CREB5: variants seen among roughly 807,000 people sequenced by gnomAD.
CREB5 encodes cAMP responsive element binding protein 5, also known as cyclic AMP-responsive element-binding protein 5.
In CREB5, 19 loss-of-function variants were observed where a neutral mutation model predicts 57.1. The ratio of observed to expected loss-of-function variants is 0.33; its 90% confidence interval spans 0.23 to 0.49. The LOEUF is 0.49. CREB5 is among the 20% of genes least tolerant of loss of function. The pLI, the probability that CREB5 is intolerant of heterozygous loss-of-function variation, is 0.99. For synonymous variants in CREB5, 238 were observed against 238.3 expected (o/e 1.00, Z 0.01); for missense variants, 579 against 671.6 (o/e 0.86, Z 1.52).
At chr7:28,739,635 C>T (rs1322699261) in intron 7 of CREB5, among the ~76,000 whole-genome samples, 1 of 152,096 alleles carries the variant, frequency 6.6e-6, no homozygotes, top group Non-Finnish European at 1.5e-5. Context: ...ACCAGAAAAG[C>T]ATATTCGAGT....
At chr7:28,558,187 G>A (rs1794950478) in intron 4 of CREB5, among the ~76,000 whole-genome samples, 2 of 152,164 alleles carry the variant, frequency 1.3e-5, no homozygotes, top group Non-Finnish European at 2.9e-5. Context: ...GAGTTTCTCT[G>A]TTGCATTGCT....
chr7:28,523,706 A>G (rs1187273542), intron 4 of CREB5, among the ~76,000 whole-genome samples: 3 of 152,190 alleles, frequency 2.0e-5, no homozygotes, highest in Non-Finnish European at 2.9e-5. Flanking sequence ...GTGCTTGCCC[A>G]TGCAGTTATT....
In CREB5 at chr7:28,638,642, C is replaced by T. The variant is rs73302853; in HGVS notation, c.464+68105C>T. On this transcript the variant is annotated intron_variant, in intron 5 of 10. Transcript: ENST00000357727. ...GACTGCAGGTGTGTGCCACCACGCCCGGTCACATTCTGTTTCTTGATCTTA... is the reference window on the plus strand; with the variant it reads ...GACTGCAGGTGTGTGCCACCACGCCTGGTCACATTCTGTTTCTTGATCTTA... Among the ~76,000 whole-genome samples the T allele has an allele frequency of 5.8e-3, 878 of 152,216 alleles. 7 individuals carry two copies. The highest frequency in any genetic ancestry group is 0.02 in the African/African-American group (839 of 41,544).
chr7:28,584,183 TTC>T (rs1796228888), intron 5 of CREB5, among the ~76,000 whole-genome samples: 3 of 152,164 alleles, frequency 2.0e-5, no homozygotes, highest in Non-Finnish European at 2.9e-5. Flanking sequence ...AGTCCTTTAC[TTC>T]TTCCTCCTTC....
At chr7:28,797,970 A>G (rs2128795902) in intron 7 of CREB5, among the ~76,000 whole-genome samples, 1 of 151,422 alleles carries the variant, frequency 6.6e-6, no homozygotes, top group East Asian at 1.9e-4. Context: ...GAAAAAAAAA[A>G]GGAGAAATTA....
intron 1 of CREB5, among the ~76,000 whole-genome samples, chr7:28,306,245 G>GCTCTTTATGTGCCTGCTGTGTTA (rs1785178858): frequency 6.6e-6 from 1 of 152,146 alleles, no homozygotes; most frequent in Non-Finnish European, 1.5e-5. Context: ...TTTACGGAGA[G>GCTCTTTATGTGCCTGCTGTGTTA]CTCTTTATGT....
At chr7:28,813,041 A>C (rs1403876638) in intron 9 of CREB5, among the ~76,000 whole-genome samples, 6 of 152,220 alleles carry the variant, frequency 3.9e-5, no homozygotes, top group East Asian at 3.8e-4. Context: ...ATCTCTGCCC[A>C]AGAGGTCAAA....
intron 3 of CREB5, among the ~76,000 whole-genome samples, chr7:28,505,204 G>GCA (rs61656874): frequency 2.8e-4 from 43 of 151,770 alleles, no homozygotes; most frequent in African/African-American, 1.0e-3. Flanking sequence ...GCACACACAC[G>GCA]CACACACACA....
At chr7:28,299,814 A>C (rs1220071978) in intron 1 of CREB5, among the ~76,000 whole-genome samples, 1 of 152,196 alleles carries the variant, frequency 6.6e-6, no homozygotes, top group Non-Finnish European at 1.5e-5. Context: ...TGTGTTACCA[A>C]AGTTTAGGAG....
intron 1 of CREB5, among the ~76,000 whole-genome samples, chr7:28,435,319 G>A (rs1307273121): frequency 6.6e-6 from 1 of 151,298 alleles, no homozygotes; most frequent in Non-Finnish European, 1.5e-5. Flanking sequence ...ATTTGGCAAG[G>A]TTGTTTTATA....
At chr7:28,780,547 C>T (rs10276180) in intron 7 of CREB5, among the ~76,000 whole-genome samples, 98,164 of 151,766 alleles carry the variant, frequency 0.65, 32,227 homozygotes, top group Middle Eastern at 0.74. Context: ...TGTGGTGAAA[C>T]CCTGTCTCTA....
intron 4 of CREB5, among the ~76,000 whole-genome samples, chr7:28,516,959 T>C (rs552487917): frequency 6.6e-6 from 1 of 152,310 alleles, no homozygotes; most frequent in African/African-American, 2.4e-5. Flanking sequence ...CAGGAGGCCC[T>C]TGCATCTGCA....
chr7:28,326,173 CTATCTATCT>C (rs1785598090), intron 1 of CREB5, among the ~76,000 whole-genome samples: 2 of 147,838 alleles, frequency 1.4e-5, no homozygotes, highest in South Asian at 2.2e-4. Context: ...ATCTATCTAT[CTATCTATCT>C]ATCTATCTAT....
intron 5 of CREB5, among the ~76,000 whole-genome samples, chr7:28,596,968 T>G (rs1053688606): frequency 6.6e-6 from 1 of 152,154 alleles, no homozygotes; most frequent in African/African-American, 2.4e-5. Context: ...ACTCAGTGCT[T>G]CATTTGCACT....
chr7:28,517,512 A>C (rs976521698), intron 4 of CREB5, among the ~76,000 whole-genome samples: 1 of 152,174 alleles, frequency 6.6e-6, no homozygotes, highest in African/African-American at 2.4e-5. Flanking sequence ...TTCTTCACCC[A>C]AGTCCCACCA....
At chr7:28,812,964 A>G (rs1192366985) in intron 9 of CREB5, among the ~76,000 whole-genome samples, 3 of 152,204 alleles carry the variant, frequency 2.0e-5, no homozygotes, top group African/African-American at 4.8e-5. Context: ...AGCATTTCAG[A>G]TTGGAAAAAC....
chr7:28,425,816 C>T (rs946818043), intron 1 of CREB5, among the ~76,000 whole-genome samples: 11 of 152,314 alleles, frequency 7.2e-5, no homozygotes, highest in African/African-American at 2.6e-4. Flanking sequence ...ATGGCCTTCA[C>T]TGCACCTTTG....
intron 7 of CREB5, 93 bp from the exon 8 acceptor site, chr7:28,804,106 G>C (rs1808543903): frequency 8.6e-7 from 1 of 1,166,354 alleles, no homozygotes; most frequent in Non-Finnish European, 1.2e-6. Context: ...GTAAAATATA[G>C]AATTGAAAAT....
At chr7:28,554,919 A>G (rs1384200578) in intron 4 of CREB5, among the ~76,000 whole-genome samples, 1 of 152,208 alleles carries the variant, frequency 6.6e-6, no homozygotes, top group Non-Finnish European at 1.5e-5. Flanking sequence ...CATCTCTGCT[A>G]GTAATTAGAG....
Sources: allele counts gnomAD v4.1 joint callset (sites outside exome capture counted in the v4.1 genomes callset), GRCh38; gene constraint gnomAD v4.1.1; transcripts MANE v1.5; gene names NCBI Gene and HGNC (gene_info 2026-07-23, HGNC 2026-07-21).